The following STOX2 variants were observed in gnomAD, a reference collection of about 807,000 sequenced individuals.
STOX2 encodes the protein storkhead-box protein 2.
A neutral mutation model predicts 60.9 loss-of-function variants in STOX2; 28 were observed. That is an observed-to-expected ratio of 0.46 (90% CI 0.34 to 0.63). STOX2 has a LOEUF of 0.63. STOX2 is among the 30% of genes least tolerant of loss of function. The probability of loss-of-function intolerance (pLI) is 0.01; values close to 1 mark genes in which losing one functional copy is unlikely to be tolerated. For synonymous variants in STOX2, 472 were observed against 463.9 expected (o/e 1.02, Z -0.22); for missense variants, 1,024 against 1,187.7 (o/e 0.86, Z 2.03).
At chr4:183,813,149 C>T (rs113416719) in intron 1 of STOX2, among the ~76,000 whole-genome samples, 154 of 152,122 alleles carry the variant, frequency 1.0e-3, no homozygotes, top group African/African-American at 1.6e-3. Context: ...TTTGGGAAGC[C>T]GAGGGGGGCA....
At position 184,001,594 on chromosome 4, in the gene STOX2, C is replaced by T. The variant is rs1733595155; in HGVS notation, c.319+117C>T. On this transcript the variant is annotated intron_variant, in intron 2 of 3. Coordinates refer to ENST00000308497, the MANE Select transcript of STOX2 (RefSeq NM_020225.3). This position sits in a 1 kb window ranked among gnomAD's most constrained non-coding sequence, Gnocchi z 4.2. ...AATAGGAAAACATTCTTCCCCAAAA[C>T]TGACCCGAAGCTTTCCTTACTTCTG... 1.0e-6 allele frequency: 1 copy of T among 999,608 alleles called. No homozygotes were observed. The allele number at this position is 999,608 out of a possible 1,614,324, so 61.9% of individuals were successfully genotyped here.
In STOX2 at chr4:183,837,915, G is replaced by A. The variant is rs576422333; in HGVS notation, c.364+39860G>A. ...TTTTGGCTATGATGCTGCTGTGGAC[G>A]TGGGTGTGCAGATGTGGGTGTCTGT... On this transcript the variant is annotated intron_variant, in intron 1 of 2. Transcript: ENST00000513034. Among the ~76,000 whole-genome samples the A allele has an allele frequency of 3.3e-5, 5 of 152,302 alleles. No individual in the cohort carries two copies. The East Asian group carries it at 5.8e-4, about 18-fold the overall frequency.
intron 1 of STOX2, among the ~76,000 whole-genome samples, chr4:183,837,224 A>G (rs1295787139): frequency 6.6e-6 from 1 of 152,176 alleles, no homozygotes; most frequent in Non-Finnish European, 1.5e-5. Context: ...CATATAGATC[A>G]TTTAAATCAT....
intron 1 of STOX2, among the ~76,000 whole-genome samples, chr4:183,849,406 G>A (rs1434505868): frequency 1.3e-5 from 2 of 152,172 alleles, no homozygotes; most frequent in Non-Finnish European, 2.9e-5. Context: ...TACTACATAT[G>A]GATCAGGGGT....
chr4:183,864,070 T>A (rs969250816), intron 1 of STOX2, among the ~76,000 whole-genome samples: 2 of 152,194 alleles, frequency 1.3e-5, no homozygotes, highest in East Asian at 1.9e-4. Context: ...TTATTTTTTT[T>A]AATAGTCTGT....
At position 183,981,450 on chromosome 4, in the gene STOX2, T is replaced by C. The variant is rs776967782; in HGVS notation, c.167-19875T>C. ...GAAACGTCTGAGATACACTCAGGCATGTTTTAACCCAGTCGGTTGGAAATA... is the reference window on the plus strand; with the variant it reads ...GAAACGTCTGAGATACACTCAGGCACGTTTTAACCCAGTCGGTTGGAAATA... On this transcript the variant is annotated intron_variant, in intron 1 of 3. Transcript: ENST00000308497. Among the ~76,000 whole-genome samples, 6 of 151,872 alleles carry C rather than the reference T, an allele frequency of 4.0e-5. 1 individual carries two copies. The highest frequency in any genetic ancestry group is 2.6e-4 in the Admixed American group (4 of 15,228).
intron 1 of STOX2, among the ~76,000 whole-genome samples, chr4:183,852,068 A>AGAAAGGATGAGGGAAAGGATGAGG (rs1560846179): frequency 1.6e-4 from 1 of 6,126 alleles, no homozygotes; most frequent in Non-Finnish European, 3.5e-4. Flanking sequence ...AAAGGATGAG[A>AGAAAGGATGAGGGAAAGGATGAGG]GAAAGGATGA....
intron 2 of STOX2, among the ~76,000 whole-genome samples, chr4:184,006,875 G>A (rs1462343956): frequency 6.7e-6 from 1 of 150,148 alleles, no homozygotes; most frequent in East Asian, 1.9e-4. Flanking sequence ...AATTAGCTGG[G>A]CGTAGTGGCG....
chr4:183,957,901 T>C (rs1743297154), intron 1 of STOX2, among the ~76,000 whole-genome samples: 1 of 151,556 alleles, frequency 6.6e-6, no homozygotes, highest in African/African-American at 2.4e-5. Flanking sequence ...AGAGAGTGAA[T>C]AAGGCACCCT....
chr4:183,965,471 G>T (rs933737133), intron 1 of STOX2, among the ~76,000 whole-genome samples: 2 of 152,128 alleles, frequency 1.3e-5, no homozygotes, highest in African/African-American at 4.8e-5. Context: ...TATCTTTCCT[G>T]AAGGGATAAG....
chr4:183,867,971 G>A (rs1740609445), intron 1 of STOX2, among the ~76,000 whole-genome samples: 2 of 152,184 alleles, frequency 1.3e-5, no homozygotes, highest in African/African-American at 4.8e-5. Context: ...TATTCCTGTA[G>A]TGTAAAATTT....
upstream of STOX2, among the ~76,000 whole-genome samples, chr4:183,903,777 C>A (rs1380173792): frequency 5.9e-5 from 9 of 152,162 alleles, no homozygotes; most frequent in African/African-American, 2.2e-4. Context: ...GTCCTTTACA[C>A]CAGCGGCCCC....
At chr4:183,874,990 T>TATAA (rs752495484) in intron 1 of STOX2, among the ~76,000 whole-genome samples, 4 of 81,800 alleles carry the variant, frequency 4.9e-5, no homozygotes, top group African/African-American at 2.2e-4. Context: ...TATATATATA[T>TATAA]ATAAAACTTA....
intron 1 of STOX2, among the ~76,000 whole-genome samples, chr4:183,937,641 C>T (rs1232940572): frequency 6.6e-6 from 1 of 152,174 alleles, no homozygotes; most frequent in African/African-American, 2.4e-5. Context: ...TGAGCTCATT[C>T]AGGTGTGGTG....
At chr4:183,864,790 A>G (rs1300833391) in intron 1 of STOX2, among the ~76,000 whole-genome samples, 3 of 152,210 alleles carry the variant, frequency 2.0e-5, no homozygotes, top group Non-Finnish European at 2.9e-5. Flanking sequence ...AAACCTCTCA[A>G]CTTGGATTTT....
intron 1 of STOX2, among the ~76,000 whole-genome samples, chr4:183,946,656 C>T (rs373064451): frequency 5.7e-5 from 8 of 140,564 alleles, no homozygotes; most frequent in Middle Eastern, 3.7e-3. Flanking sequence ...GATGGAGTCT[C>T]GCTCTGTCGC....
chr4:183,986,578 T>G (rs1176281099), intron 1 of STOX2, among the ~76,000 whole-genome samples: 1 of 152,272 alleles, frequency 6.6e-6, no homozygotes, highest in East Asian at 1.9e-4. Context: ...ATAGTCTGCA[T>G]GCCTGCTGAG....
chr4:183,873,446 CAA>C (rs11453864), intron 1 of STOX2, among the ~76,000 whole-genome samples: 1,489 of 112,188 alleles, frequency 0.013, 21 homozygotes, highest in African/African-American at 0.047. Context: ...AACTCTGTCT[CAA>C]AAAAAAAAAA....
At chr4:183,819,763 G>A (rs1003478594) in intron 1 of STOX2, among the ~76,000 whole-genome samples, 12 of 152,140 alleles carry the variant, frequency 7.9e-5, no homozygotes, top group East Asian at 3.8e-4. Flanking sequence ...AGGCTTGAAC[G>A]GCATCGCCCC....
Sources: allele counts gnomAD v4.1 joint callset (sites outside exome capture counted in the v4.1 genomes callset), GRCh38; gene constraint gnomAD v4.1.1; non-coding constraint Gnocchi (gnomAD v3.1); transcripts MANE v1.5; gene names NCBI Gene and HGNC (gene_info 2026-07-23, HGNC 2026-07-21).